KIF13A: variants seen among roughly 807,000 people sequenced by gnomAD.
The protein encoded by KIF13A is kinesin-like protein KIF13A.
In KIF13A, 79 loss-of-function variants were observed where a neutral mutation model predicts 212.2. The ratio of observed to expected loss-of-function variants is 0.37; its 90% CI spans 0.31 to 0.45. The LOEUF (loss-of-function observed/expected upper bound fraction) is 0.45, where lower values mean the gene tolerates loss of function less well. KIF13A is among the 20% of genes least tolerant of loss of function. KIF13A has a pLI of 1.00. For missense variants in KIF13A, 1,901 were observed against 2,209.0 expected (o/e 0.86, Z 2.79); for synonymous variants, 789 against 808.6 (o/e 0.98, Z 0.41).
chr6:17,801,145 C>T (rs1177675265), intron 20 of KIF13A, among the ~76,000 whole-genome samples: 1 of 152,050 alleles, frequency 6.6e-6, no homozygotes, highest in Non-Finnish European at 1.5e-5. Flanking sequence ...AAAATAAAAA[C>T]ACAGGTTCTG....
At chr6:17,859,648 T>A (rs1378095243) in intron 4 of KIF13A, among the ~76,000 whole-genome samples, 1 of 134,798 alleles carries the variant, frequency 7.4e-6, no homozygotes, top group African/African-American at 2.6e-5. Context: ...ATTTTTTTTT[T>A]TTTTTTGAGA....
intron 4 of KIF13A, among the ~76,000 whole-genome samples, chr6:17,859,882 G>T (rs1009751716): frequency 6.6e-6 from 1 of 151,530 alleles, no homozygotes; most frequent in Non-Finnish European, 1.5e-5. Flanking sequence ...TGATCCACCC[G>T]CCTTGGCCTC....
intron 16 of KIF13A, among the ~76,000 whole-genome samples, chr6:17,819,068 C>T (rs1253831221): frequency 2.7e-5 from 4 of 145,636 alleles, no homozygotes; most frequent in East Asian, 2.1e-4. Flanking sequence ...GGCGCGATCT[C>T]GGCTCACTGC....
chr6:17,906,655 G>A (rs1222012186), intron 2 of KIF13A, among the ~76,000 whole-genome samples: 1 of 151,898 alleles, frequency 6.6e-6, no homozygotes, highest in Non-Finnish European at 1.5e-5. Flanking sequence ...TTGGCATATT[G>A]TCCAGGCTGG....
rs1775536391 is a variant in KIF13A at position 17,926,795 on chromosome 6, AATGT to A, written c.147-28619_147-28616del. ...CTACTATCTGAAAGTAGTTCCTTAA[AATGT>A]AATCAGAATCCAACAATTCCACTTC... On this transcript the variant is annotated intron_variant, in intron 2 of 38. Coordinates refer to ENST00000259711, the MANE Select transcript of KIF13A (RefSeq NM_022113.6). The surrounding 1 kb of genome is among the most constrained non-coding windows in gnomAD (Gnocchi z 4.3). 6.6e-6 allele frequency among the ~76,000 whole-genome samples: 1 copy of A among 152,180 alleles called. No individual in the cohort carries two copies. Among genetic ancestry groups the A allele is most frequent in the African/African-American group, 2.4e-5 (1 of 41,454 alleles).
intron 2 of KIF13A, among the ~76,000 whole-genome samples, chr6:17,966,444 T>A (rs1216212283): frequency 7.1e-5 from 5 of 70,844 alleles, no homozygotes; most frequent in Non-Finnish European, 1.1e-4. Context: ...AGACTCTGAA[T>A]TTTTTTTTTT....
chr6:17,886,611 A>C lies in KIF13A; in HGVS notation c.159+11557T>G, dbSNP rs1382974786. On this transcript the variant is annotated intron_variant, in intron 3 of 38. Coordinates refer to ENST00000259711, the MANE Select transcript of KIF13A (RefSeq NM_022113.6). The surrounding 1 kb of genome is among the most constrained non-coding windows in gnomAD (Gnocchi z 5.6). ...CGTCAGTGGTACTGTAGACATCTAA[A>C]GGCACAGAGTTCCAGTGAGAACATT... Among the ~76,000 whole-genome samples the C allele has an allele frequency of 2.0e-5, 3 of 152,174 alleles. No individual in the cohort carries two copies. The highest frequency in any genetic ancestry group is 1.5e-5 in the Non-Finnish European group (1 of 68,034).
chr6:17,983,580 T>G (rs539808519), intron 2 of KIF13A, among the ~76,000 whole-genome samples: 2 of 148,074 alleles, frequency 1.4e-5, no homozygotes, highest in African/African-American at 4.9e-5. Context: ...GCAACCTCCA[T>G]CGCCAAGGCT....
chr6:17,969,667 A>G (rs984676578), intron 2 of KIF13A, among the ~76,000 whole-genome samples: 16 of 152,178 alleles, frequency 1.1e-4, no homozygotes, highest in African/African-American at 3.9e-4. Flanking sequence ...CTTCTCTGTT[A>G]AAATTCAGAA....
chr6:17,855,940 G>T lies in KIF13A; in HGVS notation c.313+90C>A. 3.4e-6 allele frequency: 3 copies of T among 885,112 alleles called. No homozygotes were observed. The highest frequency in any genetic ancestry group is 3.6e-6 in the Non-Finnish European group (2 of 553,530). The allele number at this position is 885,112 out of a possible 1,614,324, so 54.8% of individuals were successfully genotyped here. A position where few individuals can be genotyped will look rare whatever the true frequency, so the allele number is the denominator to read the frequency against. ...TGCCCAGGCTGGTCTCAAACTCCTGGGCTCAGGAGATCCTCCCACCCCAGC... is the reference window on the plus strand; with the variant it reads ...TGCCCAGGCTGGTCTCAAACTCCTGTGCTCAGGAGATCCTCCCACCCCAGC... On this transcript the variant is annotated intron_variant, in intron 5 of 38. Transcript: ENST00000259711. This position sits in a 1 kb window ranked among gnomAD's most constrained non-coding sequence, Gnocchi z 4.1.
chr6:17,831,823 CTCAT>C (rs1378753789), intron 12 of KIF13A, among the ~76,000 whole-genome samples: 1 of 150,856 alleles, frequency 6.6e-6, no homozygotes, highest in Non-Finnish European at 1.5e-5. Flanking sequence ...CTTGTATTCA[CTCAT>C]TCATTCATTC....
intron 3 of KIF13A, 47 bp from the exon 4 acceptor site, chr6:17,873,484 T>G: frequency 7.8e-7 from 1 of 1,285,806 alleles, no homozygotes. Flanking sequence ...ATTAACTTCT[T>G]ATGAGTAAAT....
At chr6:17,793,735 A>G (rs1320939647) in intron 25 of KIF13A, among the ~76,000 whole-genome samples, 4 of 150,614 alleles carry the variant, frequency 2.7e-5, no homozygotes, top group African/African-American at 5.0e-5. Context: ...CAACAGAATG[A>G]CATGCCCTTC....
intron 2 of KIF13A, among the ~76,000 whole-genome samples, chr6:17,972,952 C>G (rs1219954943): frequency 6.6e-6 from 1 of 152,116 alleles, no homozygotes; most frequent in Non-Finnish European, 1.5e-5. Flanking sequence ...CAGACCAGAC[C>G]CTGAAGAGCC....
At chr6:17,946,972 T>C (rs575581460) in intron 2 of KIF13A, among the ~76,000 whole-genome samples, 174 of 152,318 alleles carry the variant, frequency 1.1e-3, no homozygotes, top group African/African-American at 4.1e-3. Flanking sequence ...TCATCGAAAC[T>C]GTACACTTAA....
intron 2 of KIF13A, among the ~76,000 whole-genome samples, chr6:17,978,628 A>G (rs552997375): frequency 6.6e-6 from 1 of 152,364 alleles, no homozygotes; most frequent in Admixed American, 6.5e-5. Flanking sequence ...TTTTAAACAT[A>G]TAAACATCTT....
intron 9 of KIF13A, among the ~76,000 whole-genome samples, chr6:17,845,895 C>T (rs1248876898): frequency 6.6e-6 from 1 of 152,162 alleles, no homozygotes. Context: ...ATCCACAGCC[C>T]ATTAAGCAGA....
In KIF13A at chr6:17,775,045, C is replaced by T. The variant is rs371587242; in HGVS notation, c.4188G>A (p.Pro1396=). The T allele has an allele frequency of 2.2e-5, 35 of 1,611,666 alleles. No individual in the cohort carries two copies. Among genetic ancestry groups the T allele is most frequent in the Admixed American group, 1.2e-4 (7 of 59,776 alleles). Residue 1396 remains proline, a synonymous_variant, in exon 35 of 39, where the codon CCG becomes CCA. Coordinates refer to ENST00000259711, the MANE Select transcript of KIF13A (RefSeq NM_022113.6). ...PNVHNVSSSR[P]DLSGFDEDDK... Reference sequence around the variant, plus strand: ...CATCTTCATCAAAGCCAGAAAGGTCCGGTCGGCTGGAAGAGACCTATAAGA... The same window carrying T: ...CATCTTCATCAAAGCCAGAAAGGTCTGGTCGGCTGGAAGAGACCTATAAGA...
rs916817984 is a variant in KIF13A at position 17,872,835 on chromosome 6, T to C, written c.220+542A>G. Reference sequence around the variant, plus strand: ...ATGTTTAGTAGAGACGGGGTTTTGCTATGTTATTCAAGCTGGTCTTGAACT... The same window carrying C: ...ATGTTTAGTAGAGACGGGGTTTTGCCATGTTATTCAAGCTGGTCTTGAACT... On this transcript the variant is annotated intron_variant, in intron 4 of 38. Transcript: ENST00000259711. This position sits in a 1 kb window ranked among gnomAD's most constrained non-coding sequence, Gnocchi z 4.7. 1.3e-5 allele frequency among the ~76,000 whole-genome samples: 2 copies of C among 152,056 alleles called. No homozygotes were observed. Among genetic ancestry groups the C allele is most frequent in the Non-Finnish European group, 2.9e-5 (2 of 68,016 alleles).
Sources: allele counts gnomAD v4.1 joint callset (sites outside exome capture counted in the v4.1 genomes callset), GRCh38; gene constraint gnomAD v4.1.1; non-coding constraint Gnocchi (gnomAD v3.1); transcripts MANE v1.5; gene names NCBI Gene and HGNC (gene_info 2026-07-23, HGNC 2026-07-21).